ABCG2: variants seen among roughly 807,000 people sequenced by gnomAD.
ABCG2 encodes broad substrate specificity ATP-binding cassette transporter ABCG2.
ABCG2 carries 80 observed loss-of-function variants against 73.5 expected under a neutral mutation model. The ratio of observed to expected loss-of-function variants is 1.09; its 90% confidence interval spans 0.91 to 1.31. The LOEUF (loss-of-function observed/expected upper bound fraction) is 1.31. ABCG2 is among the 50% of genes most tolerant of loss of function. ABCG2 has a pLI of 0.00. For missense variants in ABCG2, 796 were observed against 786.2 expected, an observed-to-expected ratio of 1.01 and a Z score of -0.15; for synonymous variants, 269 against 282.4, an observed-to-expected ratio of 0.95 and a Z score of 0.48.
At chr4:88,199,552 A>G (rs1254654162) in intron 1 of ABCG2, among the ~76,000 whole-genome samples, 1 of 152,200 alleles carries the variant, frequency 6.6e-6, no homozygotes, top group East Asian at 1.9e-4. Flanking sequence ...TATATTTAAC[A>G]TGTTGGTAGA....
intron 1 of ABCG2, among the ~76,000 whole-genome samples, chr4:88,155,929 A>G (rs1726907763): frequency 6.6e-6 from 1 of 152,148 alleles, no homozygotes; most frequent in Non-Finnish European, 1.5e-5. Flanking sequence ...ACTCTAATAG[A>G]ACATCCAGTG....
intron 6 of ABCG2, among the ~76,000 whole-genome samples, chr4:88,120,876 G>A (rs948591662): frequency 2.0e-5 from 3 of 152,070 alleles, no homozygotes; most frequent in Admixed American, 6.5e-5. Flanking sequence ...GGAGGGAGGG[G>A]CCAGGGGCAG....
At chr4:88,142,177 A>G (rs1456126916) in intron 1 of ABCG2, among the ~76,000 whole-genome samples, 1 of 152,136 alleles carries the variant, frequency 6.6e-6, no homozygotes, top group African/African-American at 2.4e-5. Context: ...TGTCATACGC[A>G]TAACAGGCAA....
Position 88,090,656 on chromosome 4 carries a change from A to T in ABCG2, c.*1578T>A, listed in dbSNP as rs1474083837. The T allele has an allele frequency of 6.6e-6, 1 of 152,218 alleles. No homozygotes were observed. The highest frequency in any genetic ancestry group is 1.5e-5 in the Non-Finnish European group (1 of 68,030). 9.4% of individuals were successfully genotyped at this position (152,218 alleles called of 1,614,324 possible). On this transcript the variant is annotated 3_prime_UTR_variant, in exon 16 of 16. Transcript: ENST00000237612. ...ATGACCAGTGTCAGGGCGTCTATAC[A>T]CCATGATGCCCCAGCTCAGTTAACT...
chr4:88,114,889 C>G, intron 8 of ABCG2, 68 bp downstream of exon 8: 1 of 1,008,700 alleles, frequency 9.9e-7, no homozygotes, highest in East Asian at 2.5e-5. Flanking sequence ...TTTTAATTAG[C>G]CACCACATTG....
chr4:88,188,593 G>A (rs2110105629), intron 1 of ABCG2, among the ~76,000 whole-genome samples: 2 of 151,638 alleles, frequency 1.3e-5, no homozygotes, highest in Middle Eastern at 6.8e-3. Context: ...TGGCTATTCA[G>A]AGTCCCTTAC....
chr4:88,148,816 A>G (rs1578230718), intron 1 of ABCG2, among the ~76,000 whole-genome samples: 1 of 152,202 alleles, frequency 6.6e-6, no homozygotes, highest in Non-Finnish European at 1.5e-5. Context: ...TAAAGTGTAC[A>G]CAGTCCTGTA....
intron 13 of ABCG2, 85 bp downstream of exon 13, chr4:88,097,368 C>G (rs950943976): frequency 1.6e-5 from 24 of 1,498,594 alleles, no homozygotes; most frequent in Non-Finnish European, 2.1e-5. Context: ...ATCCTCAAAA[C>G]AGGTTTTACA....
chr4:88,200,652 A>G (rs1430760278), intron 1 of ABCG2, among the ~76,000 whole-genome samples: 2 of 152,074 alleles, frequency 1.3e-5, no homozygotes, highest in African/African-American at 4.8e-5. Context: ...AGCTTGGACT[A>G]CAGGTGCCTG....
intron 11 of ABCG2, among the ~76,000 whole-genome samples, chr4:88,100,441 T>A (rs1722319154): frequency 6.7e-6 from 1 of 150,312 alleles, no homozygotes; most frequent in Admixed American, 6.7e-5. Context: ...AGGTAGAGAT[T>A]GCAGTGAGCC....
intron 15 of ABCG2, among the ~76,000 whole-genome samples, chr4:88,093,264 G>A (rs1578163064): frequency 1.3e-5 from 2 of 152,088 alleles, no homozygotes; most frequent in South Asian, 4.1e-4. Flanking sequence ...CCAGCACTTT[G>A]GGAGGCCAAG....
chr4:88,115,157 G>T, intron 7 of ABCG2, 99 bp from the exon 8 acceptor site: 1 of 698,378 alleles, frequency 1.4e-6, no homozygotes. Context: ...AGAGAAGACA[G>T]AATCTAATGA....
At chr4:88,114,891 A>T in intron 8 of ABCG2, 66 bp downstream of exon 8, 1 of 1,047,320 alleles carries the variant, frequency 9.5e-7, no homozygotes, top group Non-Finnish European at 1.4e-6. Flanking sequence ...TTAATTAGCC[A>T]CCACATTGCT....
At chr4:88,119,571 G>A (rs1360313819) in intron 6 of ABCG2, among the ~76,000 whole-genome samples, 1 of 152,198 alleles carries the variant, frequency 6.6e-6, no homozygotes, top group Non-Finnish European at 1.5e-5. Flanking sequence ...CTCAGATGGA[G>A]ATGAGGAACT....
In ABCG2 at chr4:88,131,811, C is replaced by G. The variant is rs774024199; in HGVS notation, c.370G>C (p.Val124Leu). The G allele has an allele frequency of 6.2e-7, 1 of 1,612,560 alleles. No homozygotes were observed. Among genetic ancestry groups the G allele is most frequent in the East Asian group, 2.2e-5 (1 of 44,852 alleles). Reference protein sequence around the residue: ...PANFKCNSGYVVQDDVVMGTL... With the variant: ...PANFKCNSGYLVQDDVVMGTL... Reference sequence around the variant, plus strand: ...AACCCACTAATACTTACTTGTACCACGTAACCTGAATTACATTTGAAATTG... The same window carrying G: ...AACCCACTAATACTTACTTGTACCAGGTAACCTGAATTACATTTGAAATTG... Residue 124 changes from valine to leucine, a missense_variant, in exon 4 of 16, where the codon GTG (valine) becomes CTG (leucine). Coordinates refer to ENST00000237612, the MANE Select transcript of ABCG2 (RefSeq NM_004827.3).
In ABCG2 at chr4:88,091,082, T is replaced by C. The variant is rs566672143; in HGVS notation, c.*1152A>G. 1 of 152,280 alleles carries C rather than the reference T, an allele frequency of 6.6e-6. No individual in the cohort carries two copies. Among genetic ancestry groups the C allele is most frequent in the East Asian group, 1.9e-4 (1 of 5,182 alleles). The allele number at this position is 152,280 out of a possible 1,614,324, so 9.4% of individuals were successfully genotyped here. ...CAGCAACAGAGGGAAATACATCAAG[T>C]GTCATTTCAAAAATAACCCAGGGGT... On this transcript the variant is annotated 3_prime_UTR_variant, in exon 16 of 16. Transcript: ENST00000237612.
intron 1 of ABCG2, among the ~76,000 whole-genome samples, chr4:88,177,579 T>C (rs9631715): frequency 0.59 from 88,980 of 151,942 alleles, 26,834 homozygotes; most frequent in African/African-American, 0.72. Context: ...AACCACTATC[T>C]ACCCCAAAAA....
rs778680803 is a variant in ABCG2 at position 88,158,553 on chromosome 4, G to A, written c.-187C>T. On this transcript the variant is annotated 5_prime_UTR_variant, in exon 1 of 16. Transcript: ENST00000237612. ...CACTTAACAAGACCACCAAGCATGTGCACGGTGCGTTCCTAAATCCTACCC... is the reference window on the plus strand; with the variant it reads ...CACTTAACAAGACCACCAAGCATGTACACGGTGCGTTCCTAAATCCTACCC... 2.2e-6 allele frequency: 1 copy of A among 456,424 alleles called. No individual in the cohort carries two copies. The highest frequency in any genetic ancestry group is 4.4e-6 in the Non-Finnish European group (1 of 226,970). The allele number at this position is 456,424 out of a possible 1,614,324, so 28.3% of individuals were successfully genotyped here.
chr4:88,093,376 C>T (rs1205534034), intron 15 of ABCG2, among the ~76,000 whole-genome samples: 4 of 151,682 alleles, frequency 2.6e-5, no homozygotes, highest in Non-Finnish European at 2.9e-5. Context: ...TGGTGGTGGG[C>T]ACCTGTAATC....
Sources: gnomAD v4.1 joint callset for allele counts (sites outside exome capture counted in the v4.1 genomes callset) on GRCh38, gnomAD v4.1.1 for gene constraint, MANE v1.5 for transcripts, NCBI Gene and HGNC (gene_info 2026-07-23, HGNC 2026-07-21) for gene names.